The following PPAT variants were observed in gnomAD, a reference collection of about 807,000 sequenced individuals.
PPAT encodes amidophosphoribosyltransferase.
PPAT carries 20 observed loss-of-function variants against 60.2 expected under a neutral mutation model. That is an observed-to-expected ratio of 0.33 (90% CI 0.23 to 0.48). PPAT has a LOEUF of 0.48. PPAT is among the 20% of genes least tolerant of loss of function. PPAT has a pLI of 0.99. For missense variants in PPAT, 349 were observed against 629.6 expected (o/e 0.55, Z 4.77); for synonymous variants, 194 against 215.1 (o/e 0.90, Z 0.86).
rs1177644230 is a variant in PPAT, at chr4:56,402,850, G to GAAAAA, written c.661+189_661+190insTTTTT. 3.1e-3 allele frequency among the ~76,000 whole-genome samples: 128 copies of GAAAAA among 41,108 alleles called. 2 individuals are homozygous for GAAAAA. Among genetic ancestry groups the GAAAAA allele is most frequent in the African/African-American group, 0.012 (125 of 10,186 alleles). The allele number at this position is 41,108 out of a possible 152,430, so 27.0% of individuals were successfully genotyped here. A position where few individuals can be genotyped will look rare whatever the true frequency, so the allele number is the denominator to read the frequency against. On this transcript the variant is annotated intron_variant, in intron 5 of 10. Transcript: ENST00000264220. ...AAAAAAAAAAAAAAAAAAAAAAAAG[G>GAAAAA]GGGGGGACTCATCCTCAGGAGTACT...
chr4:56,395,655 T>TA, intron 10 of PPAT, 107 bp from the exon 11 acceptor site: 2 of 801,828 alleles, frequency 2.5e-6, no homozygotes, highest in Non-Finnish European at 3.4e-6. Flanking sequence ...TAGGATAAAT[T>TA]TCTCCTTTAG....
intron 1 of PPAT, among the ~76,000 whole-genome samples, chr4:56,419,278 A>C (rs1488613766): frequency 6.6e-6 from 1 of 152,236 alleles, no homozygotes; most frequent in African/African-American, 2.4e-5. Flanking sequence ...TTTCTATAGT[A>C]AATGCTACAC....
Position 56,400,887 on chromosome 4 carries a change from TATCTTAC to T in PPAT, c.904_910del (p.Val302ThrfsTer7). 1.9e-6 allele frequency: 3 copies of T among 1,612,550 alleles called. No homozygotes were observed. The highest frequency in any genetic ancestry group is 1.7e-6 in the Non-Finnish European group (2 of 1,178,570). On this transcript the variant is annotated frameshift_variant, in exon 8 of 11. Coordinates refer to ENST00000264220, the MANE Select transcript of PPAT (RefSeq NM_002703.5). LOFTEE classifies it high-confidence loss of function. ...AATCGCTAGCTGCTGGCCACAACGGTATCTTACTGTATAAACCATTTGGTCTGGTGTG... is the reference window on the plus strand; with the variant it reads ...AATCGCTAGCTGCTGGCCACAACGGTTGTATAAACCATTTGGTCTGGTGTG...
At chr4:56,417,291 A>G (rs1716809274) in intron 1 of PPAT, among the ~76,000 whole-genome samples, 1 of 152,210 alleles carries the variant, frequency 6.6e-6, no homozygotes, top group Non-Finnish European at 1.5e-5. Context: ...TAACCTAAAT[A>G]AGAAAAAAAA....
At chr4:56,421,496 T>C (rs1717035989) in intron 1 of PPAT, 1 of 152,324 alleles carries the variant, frequency 6.6e-6, no homozygotes, top group African/African-American at 2.4e-5. Flanking sequence ...AGACCGCTGC[T>C]GTAGACCTAA....
chr4:56,404,020 C>T (rs1390848579), intron 3 of PPAT: 4 of 449,436 alleles, frequency 8.9e-6, no homozygotes, highest in Non-Finnish European at 1.8e-5. Context: ...TAACAAGCCA[C>T]AGACTGGTAC....
chr4:56,421,964 C>T (rs1197399694), intron 1 of PPAT: 2 of 152,126 alleles, frequency 1.3e-5, no homozygotes, highest in Non-Finnish European at 2.9e-5. Flanking sequence ...GAAAATACTG[C>T]ATTAGAGTTT....
chr4:56,416,027 A>G (rs2680754), intron 1 of PPAT, among the ~76,000 whole-genome samples: 151,198 of 151,226 alleles, frequency 1, 75,585 homozygotes, highest in Middle Eastern at 1. Context: ...CCGAGATCAC[A>G]CCACTGCACT....
At position 56,399,044 on chromosome 4, in the gene PPAT, T is replaced by C. The variant is rs1194284910; in HGVS notation, c.1236+135A>G. 5 of 704,252 alleles carry C rather than the reference T, an allele frequency of 7.1e-6. No individual in the cohort carries two copies. In the Admixed American group the frequency reaches 8.4e-5, roughly 12 times the overall value. 43.6% of individuals were successfully genotyped at this position (704,252 alleles called of 1,614,324 possible). ...TGTTCTTCAAGTTGCTACACAGTTA[T>C]TCCTAAACCAAACTGATAAAAAAAG... is the stretch of plus-strand genomic sequence containing the variant. On this transcript the variant is annotated intron_variant, in intron 9 of 10. Coordinates refer to ENST00000264220, the MANE Select transcript of PPAT (RefSeq NM_002703.5).
At chr4:56,406,752 GTAATAAACGCC>G in intron 2 of PPAT, 51 bp from the exon 3 acceptor site, 1 of 1,292,616 alleles carries the variant, frequency 7.7e-7, no homozygotes, top group Admixed American at 1.9e-5. Flanking sequence ...AGTACTGCTA[GTAATAAACGCC>G]TCTCTTCTCT....
chr4:56,433,405 A>G (rs1024518140), intron 1 of PPAT, among the ~76,000 whole-genome samples: 3 of 149,460 alleles, frequency 2.0e-5, no homozygotes, highest in Admixed American at 1.3e-4. Flanking sequence ...ATTAAAAAAA[A>G]AAAAAAAGAA....
At position 56,435,416 on chromosome 4, in the gene PPAT, C is replaced by A. The variant is rs769973255; in HGVS notation, c.62G>T (p.Gly21Val). The A allele has an allele frequency of 6.2e-7, 1 of 1,613,920 alleles. No homozygotes were observed. ...ECGVFGCIAS[G>V]EWPTQLDVPH... The stretch of plus-strand genomic sequence containing the variant: ...TACATCCAGCTGCGTGGGCCACTCT[C>A]CTGAGGCGATGCACCCGAACACGCC... Residue 21 changes from glycine to valine, a missense_variant, in exon 1 of 11, where the codon GGA (glycine) becomes GTA (valine). Coordinates refer to ENST00000264220, the MANE Select transcript of PPAT (RefSeq NM_002703.5).
chr4:56,418,569 T>C (rs1320307947), intron 1 of PPAT, among the ~76,000 whole-genome samples: 1 of 152,132 alleles, frequency 6.6e-6, no homozygotes, highest in Admixed American at 6.5e-5. Context: ...TCCACCTGCC[T>C]TGGCACCCCA....
intron 1 of PPAT, among the ~76,000 whole-genome samples, chr4:56,417,582 A>G (rs1003274473): frequency 5.3e-5 from 8 of 152,136 alleles, no homozygotes; most frequent in Non-Finnish European, 5.9e-5. Context: ...GGAGTTCGAG[A>G]CTAGCCTGGG....
At chr4:56,402,833 AAAAAAAAAAAAAAAAG>A (rs1292725932) in intron 5 of PPAT, among the ~76,000 whole-genome samples, 191 bp downstream of exon 5, 6 of 136,326 alleles carry the variant, frequency 4.4e-5, no homozygotes, top group East Asian at 2.5e-4. Context: ...AAAAAAAAAA[AAAAAAAAAAAAAAAAG>A]GGGGGGGACT....
intron 1 of PPAT, among the ~76,000 whole-genome samples, chr4:56,417,330 T>C (rs1185339083): frequency 1.3e-5 from 2 of 151,786 alleles, no homozygotes; most frequent in African/African-American, 4.8e-5. Context: ...AGCAAAGACA[T>C]TAAATACACC....
At chr4:56,420,981 C>T (rs904785194) in intron 1 of PPAT, 1 of 152,200 alleles carries the variant, frequency 6.6e-6, no homozygotes, top group African/African-American at 2.4e-5. Flanking sequence ...CACCTGGACC[C>T]TTACTGGTCC....
intron 1 of PPAT, among the ~76,000 whole-genome samples, chr4:56,416,863 C>CT (rs1255545106): frequency 6.6e-6 from 1 of 152,038 alleles, no homozygotes; most frequent in African/African-American, 2.4e-5. Flanking sequence ...TTCTATTTTT[C>CT]TTTTCTTTTC....
At position 56,435,549 on chromosome 4, in the gene PPAT, G is replaced by C. The variant is rs189152163; in HGVS notation, c.-72C>G. On this transcript the variant is annotated 5_prime_UTR_variant, in exon 1 of 11. Coordinates refer to ENST00000264220, the MANE Select transcript of PPAT (RefSeq NM_002703.5). ...GTAAGCACCAACCAGCTGCCAGCTC[G>C]GCCCGTCGAGCTCAGAAGCTCGCGC... 2.3e-5 allele frequency: 37 copies of C among 1,607,032 alleles called. No individual in the cohort carries two copies. Among genetic ancestry groups the C allele is most frequent in the Admixed American group, 3.3e-5 (2 of 59,728 alleles).
Sources: allele counts gnomAD v4.1 joint callset (sites outside exome capture counted in the v4.1 genomes callset), GRCh38; gene constraint gnomAD v4.1.1; transcripts MANE v1.5; gene names NCBI Gene and HGNC (gene_info 2026-07-23, HGNC 2026-07-21).